SLC28A1: variants seen among roughly 807,000 people sequenced by gnomAD.
SLC28A1 encodes solute carrier family 28 member 1.
In SLC28A1, 64 loss-of-function variants were observed where a neutral mutation model predicts 74.8. The ratio of observed to expected loss-of-function variants is 0.86; its 90% CI spans 0.70 to 1.05. The LOEUF (loss-of-function observed/expected upper bound fraction) is 1.05. Among genes scored for constraint, SLC28A1 ranks in the 50% least tolerant of loss-of-function variants. The pLI, the probability that SLC28A1 is intolerant of heterozygous loss-of-function variation, is 0.00. For missense variants in SLC28A1, 828 were observed against 822.8 expected (o/e 1.01, Z -0.08); for synonymous variants, 359 against 335.0 (o/e 1.07, Z -0.78).
chr15:84,905,969 G>A (rs1331649510), intron 8 of SLC28A1, among the ~76,000 whole-genome samples: 1 of 149,418 alleles, frequency 6.7e-6, no homozygotes, highest in Non-Finnish European at 1.5e-5. Context: ...ATTTACTTCT[G>A]TGTGTGTGTG....
chr15:84,934,922 G>T (rs7163966), intron 13 of SLC28A1, 104 bp from the exon 14 acceptor site: 858,422 of 971,890 alleles, frequency 0.88, 379,846 homozygotes, highest in East Asian at 0.96. Context: ...AGGATTTCCC[G>T]CTCTGAAATG....
intron 4 of SLC28A1, 132 bp downstream of exon 4, chr15:84,888,992 C>T: frequency 1.5e-6 from 1 of 687,138 alleles, no homozygotes; most frequent in Admixed American, 2.1e-5. Context: ...AATAAAGGCG[C>T]TTTAGCCAAC....
At chr15:84,899,964 G>GAAGGAAGGAAGA (rs1966458303) in intron 6 of SLC28A1, among the ~76,000 whole-genome samples, 1 of 113,122 alleles carries the variant, frequency 8.8e-6, no homozygotes, top group Middle Eastern at 4.4e-3. Flanking sequence ...AGGAAGGAAG[G>GAAGGAAGGAAGA]AAAGAAGGAA....
At chr15:84,891,588 G>C (rs1202675951) in intron 5 of SLC28A1, among the ~76,000 whole-genome samples, 1 of 152,188 alleles carries the variant, frequency 6.6e-6, no homozygotes, top group Non-Finnish European at 1.5e-5. Flanking sequence ...GTTGGCGGCA[G>C]CCAAAGGAGC....
rs1179212768 is a variant in SLC28A1 at position 84,890,089 on chromosome 15, C to T, written c.186-354C>T. Among the ~76,000 whole-genome samples, 7 of 151,650 alleles carry T rather than the reference C, an allele frequency of 4.6e-5. No individual in the cohort carries two copies. In the South Asian group the frequency reaches 1.3e-3, roughly 27 times the overall value. ...GGCTCAAGTGATCCACGCTCCTGGG[C>T]CTCCCAAAGTGCTGGGATTACTGGT... On this transcript the variant is annotated intron_variant, in intron 4 of 18. Transcript: ENST00000394573.
At chr15:84,928,577 T>TC (rs1567172205) in intron 12 of SLC28A1, among the ~76,000 whole-genome samples, 1 of 19,192 alleles carries the variant, frequency 5.2e-5, no homozygotes, top group Non-Finnish European at 1.0e-4. Context: ...TTTCTTTCTT[T>TC]CTTTCTTTCT....
the SLC28A1 span, among the ~76,000 whole-genome samples, chr15:84,959,129 G>C: frequency 5.4e-5 from 8 of 148,934 alleles, no homozygotes; most frequent in Non-Finnish European, 1.5e-5. Context: ...AAAGAGATGA[G>C]GTCTCACTCT....
rs893227900 is a variant in SLC28A1 at position 84,935,028 on chromosome 15, A to C, written c.1217A>C (p.Asp406Ala). 1.2e-6 allele frequency: 2 copies of C among 1,613,942 alleles called. No homozygotes were observed. Among genetic ancestry groups the C allele is most frequent in the Admixed American group, 3.3e-5 (2 of 60,018 alleles). ...ATCATTCTTGATCCCAACAACAGAGATGCTCAGAACCTCATAGAAGCAGCC... is the reference window on the plus strand; with the variant it reads ...ATCATTCTTGATCCCAACAACAGAGCTGCTCAGAACCTCATAGAAGCAGCC... ...REEGVKLTYG[D>A]AQNLIEAAST... is the part of the protein sequence containing the mutation. The change falls in exon 14 of 19, where the codon GAT becomes GCT. Residue 406 changes from aspartate to alanine, a missense_variant and splice_region_variant. Transcript: ENST00000394573.
intron 4 of SLC28A1, among the ~76,000 whole-genome samples, chr15:84,889,852 C>T (rs1965150829): frequency 6.7e-6 from 1 of 148,934 alleles, no homozygotes; most frequent in South Asian, 2.1e-4. Flanking sequence ...TTCCTTCCTT[C>T]CTTTCTCTCT....
rs1966576581 is a variant in SLC28A1 at position 84,900,624 on chromosome 15, C to A, written c.462-3473C>A. The stretch of plus-strand genomic sequence containing the variant: ...GACCAGCCCGAGTAACATCATAAGA[C>A]CCCATCTCTACAAAAAAATAGATAA... On this transcript the variant is annotated intron_variant, in intron 6 of 18. Coordinates refer to ENST00000394573, the MANE Select transcript of SLC28A1 (RefSeq NM_004213.5). Among the ~76,000 whole-genome samples, 5 of 151,908 alleles carry A rather than the reference C, an allele frequency of 3.3e-5. No individual in the cohort carries two copies. The South Asian group carries it at 1.0e-3, about 32-fold the overall frequency.
chr15:84,961,741 T>A, the SLC28A1 span, among the ~76,000 whole-genome samples: 2 of 152,102 alleles, frequency 1.3e-5, no homozygotes, highest in African/African-American at 4.8e-5. Context: ...TTTAAGGTGG[T>A]CCAAGTACTC....
the SLC28A1 span, among the ~76,000 whole-genome samples, chr15:84,974,005 A>T: frequency 2.6e-5 from 4 of 152,202 alleles, no homozygotes; most frequent in African/African-American, 2.4e-5. Flanking sequence ...TTCCCATGGG[A>T]CCTGGCAGGC....
intron 15 of SLC28A1, among the ~76,000 whole-genome samples, chr15:84,937,151 T>A (rs1972036548): frequency 6.6e-6 from 1 of 152,062 alleles, no homozygotes; most frequent in South Asian, 2.1e-4. Flanking sequence ...TTTTTTTTTT[T>A]ACTTAGTATT....
intron 15 of SLC28A1, among the ~76,000 whole-genome samples, chr15:84,939,165 T>A (rs547126335): frequency 6.6e-6 from 1 of 152,084 alleles, no homozygotes; most frequent in South Asian, 2.1e-4. Flanking sequence ...ACAAAAAATT[T>A]AAAAATTAGC....
At chr15:84,886,292 T>C (rs1964591366) in intron 1 of SLC28A1, 1 of 984,010 alleles carries the variant, frequency 1.0e-6, no homozygotes, top group Non-Finnish European at 1.2e-6. Flanking sequence ...CCCCATCTAG[T>C]GAGAAAGGGA....
At chr15:84,967,252 A>G in the SLC28A1 span, among the ~76,000 whole-genome samples, 4 of 152,166 alleles carry the variant, frequency 2.6e-5, no homozygotes, top group African/African-American at 9.7e-5. Flanking sequence ...TAGTCCTGAA[A>G]AGTTAAATTG....
At chr15:84,905,465 G>A in intron 7 of SLC28A1, 74 bp from the exon 8 acceptor site, 1 of 1,040,046 alleles carries the variant, frequency 9.6e-7, no homozygotes, top group Non-Finnish European at 1.5e-6. Context: ...AATGCCCCCT[G>A]CTCTCACCCC....
chr15:84,966,432 A>G, the SLC28A1 span, among the ~76,000 whole-genome samples: 1 of 152,114 alleles, frequency 6.6e-6, no homozygotes. Context: ...CAATGGCATG[A>G]TCACAGGTCA....
intron 9 of SLC28A1, among the ~76,000 whole-genome samples, chr15:84,911,651 C>T (rs1162635005): frequency 6.6e-6 from 1 of 152,038 alleles, no homozygotes; most frequent in Non-Finnish European, 1.5e-5. Flanking sequence ...CGCTTGAGTT[C>T]AGGAGTTCGA....
Sources: gnomAD v4.1 joint callset for allele counts (sites outside exome capture counted in the v4.1 genomes callset) on GRCh38, gnomAD v4.1.1 for gene constraint, MANE v1.5 for transcripts, NCBI Gene and HGNC (gene_info 2026-07-23, HGNC 2026-07-21) for gene names.